Variants in MTDH observed in about 807,000 individuals in gnomAD.
MTDH encodes the protein protein LYRIC.
MTDH carries 34 observed loss-of-function variants against 72.7 expected under a neutral mutation model. That is an observed-to-expected ratio of 0.47 (90% CI 0.36 to 0.62). MTDH has a LOEUF of 0.62. Ranked by LOEUF, MTDH falls within the 20% of genes least tolerant of loss-of-function variation. MTDH has a pLI of 0.00. For missense variants in MTDH, 677 were observed against 699.4 expected (o/e 0.97, Z 0.36); for synonymous variants, 266 against 268.9 (o/e 0.99, Z 0.10).
chr8:97,700,448 A>G (rs1424536944), intron 7 of MTDH, among the ~76,000 whole-genome samples: 2 of 152,158 alleles, frequency 1.3e-5, no homozygotes, highest in Non-Finnish European at 2.9e-5. Flanking sequence ...TAGCACTTAT[A>G]TGTTCCCTGT....
Position 97,719,199 on chromosome 8 carries a change from A to G in MTDH, c.1521+10A>G, listed in dbSNP as rs751304624. The G allele has an allele frequency of 3.1e-6, 5 of 1,609,582 alleles. No homozygotes were observed. The highest frequency in any genetic ancestry group is 4.2e-6 in the Non-Finnish European group (5 of 1,178,762). On this transcript the variant is annotated intron_variant, in intron 10 of 11. Transcript: ENST00000336273. ...CGTCAAAAATAGCCAGGTAATTTTT[A>G]AGAATAATAAAGTTGCCGGGCGCAG...
chr8:97,665,989 A>G (rs1190423692), intron 2 of MTDH, among the ~76,000 whole-genome samples: 3 of 152,084 alleles, frequency 2.0e-5, no homozygotes, highest in Admixed American at 1.3e-4. Flanking sequence ...TTAGCCGGGC[A>G]TGGTGGCAGG....
At chr8:97,649,393 G>C (rs1811678254) in intron 1 of MTDH, among the ~76,000 whole-genome samples, 1 of 152,062 alleles carries the variant, frequency 6.6e-6, no homozygotes, top group Non-Finnish European at 1.5e-5. Flanking sequence ...GTCTTTTGAA[G>C]CCCAACCCTG....
chr8:97,662,931 G>A (rs1469593649), intron 2 of MTDH, among the ~76,000 whole-genome samples: 2 of 151,814 alleles, frequency 1.3e-5, no homozygotes, highest in Non-Finnish European at 2.9e-5. Context: ...AGGTAGAATA[G>A]CTTAAAATGA....
At chr8:97,683,045 C>CTTTTTTTTTTTTTTTTTTTTTTTTTT (rs71271144) in intron 2 of MTDH, among the ~76,000 whole-genome samples, 1 of 44,338 alleles carries the variant, frequency 2.3e-5, no homozygotes, top group Non-Finnish European at 4.4e-5. Flanking sequence ...CTCTTAGACA[C>CTTTTTTTTTTTTTTTTTTTTTTTTTT]TTTTTTTTTT....
At chr8:97,724,015 A>C (rs375922684) in intron 11 of MTDH, among the ~76,000 whole-genome samples, 1 of 152,164 alleles carries the variant, frequency 6.6e-6, no homozygotes. Context: ...AGGCTGAGGC[A>C]GGAGAATCGC....
chr8:97,663,438 TA>T (rs1563527591), intron 2 of MTDH, among the ~76,000 whole-genome samples: 1 of 152,160 alleles, frequency 6.6e-6, no homozygotes, highest in Non-Finnish European at 1.5e-5. Context: ...GAGTACTTAC[TA>T]GATATACTTT....
intron 1 of MTDH, among the ~76,000 whole-genome samples, chr8:97,647,950 G>GAAAAAA (rs59576045): frequency 8.6e-6 from 1 of 115,618 alleles, no homozygotes; most frequent in Non-Finnish European, 1.8e-5. Context: ...TCTCCTAAAA[G>GAAAAAA]AAAAAAAAAA....
chr8:97,663,321 T>C (rs1357320930), intron 2 of MTDH, among the ~76,000 whole-genome samples: 1 of 152,174 alleles, frequency 6.6e-6, no homozygotes, highest in African/African-American at 2.4e-5. Flanking sequence ...GAAATAATTA[T>C]AATAGTTGAC....
chr8:97,677,004 C>CAAA lies in MTDH; in HGVS notation c.484-9645_484-9643dup, dbSNP rs57430782. Among the ~76,000 whole-genome samples, 114 of 23,318 alleles carry CAAA rather than the reference C, an allele frequency of 4.9e-3. 21 individuals carry two copies. Among genetic ancestry groups the CAAA allele is most frequent in the African/African-American group, 0.017 (93 of 5,568 alleles). The allele number at this position is 23,318 out of a possible 152,430, so 15.3% of individuals were successfully genotyped here. ...TGGGCGACAGAGTGAGACTCTATCT[C>CAAA]AAAAAAAAAAAAAAAAAAAAATACA... On this transcript the variant is annotated intron_variant, in intron 2 of 11. Coordinates refer to ENST00000336273, the MANE Select transcript of MTDH (RefSeq NM_178812.4).
chr8:97,692,069 C>G (rs573022297), intron 6 of MTDH, among the ~76,000 whole-genome samples: 1 of 152,044 alleles, frequency 6.6e-6, no homozygotes, highest in Non-Finnish European at 1.5e-5. Context: ...TTAGTAGGGA[C>G]GGGGTTTTGC....
rs368255698 is a variant in MTDH at position 97,667,896 on chromosome 8, C to T, written c.483+6723C>T. ...GTGTCTGCTACCATGAGCTTGACAA[C>T]TTACCAGTACATAAGGAATTTCTAA... On this transcript the variant is annotated intron_variant, in intron 2 of 11. Transcript: ENST00000336273. 7.3e-5 allele frequency among the ~76,000 whole-genome samples: 11 copies of T among 149,984 alleles called. No homozygotes were observed. In the East Asian group the frequency reaches 1.6e-3, roughly 22 times the overall value.
rs937453558 is a variant in MTDH at position 97,644,241 on chromosome 8, C to T, written c.-266C>T. 2.0e-6 allele frequency: 1 copy of T among 492,404 alleles called. No individual in the cohort carries two copies. Among genetic ancestry groups the T allele is most frequent in the Non-Finnish European group, 3.5e-6 (1 of 283,992 alleles). 30.5% of individuals were successfully genotyped at this position (492,404 alleles called of 1,614,324 possible). A position where few individuals can be genotyped will look rare whatever the true frequency, so the allele number is the denominator to read the frequency against. On this transcript the variant is annotated 5_prime_UTR_variant, in exon 1 of 12. Coordinates refer to ENST00000336273, the MANE Select transcript of MTDH (RefSeq NM_178812.4). ...GGGGCCTGGCGCTGGCGCCGAGACG[C>T]CGCTTAGCGGCCGCCACTGGAGACA... is the stretch of plus-strand genomic sequence containing the variant.
chr8:97,722,312 A>C (rs1284392328), intron 10 of MTDH, among the ~76,000 whole-genome samples: 2 of 152,216 alleles, frequency 1.3e-5, no homozygotes, highest in Non-Finnish European at 2.9e-5. Flanking sequence ...TTAAGAATAT[A>C]AAAGTTAGGC....
intron 6 of MTDH, among the ~76,000 whole-genome samples, chr8:97,695,731 A>G (rs143824109): frequency 9.4e-4 from 143 of 152,326 alleles, no homozygotes; most frequent in African/African-American, 3.0e-3. Context: ...ATGAATCTCT[A>G]TTCTTCTACA....
rs375345236 is a variant in MTDH, at chr8:97,690,080, C to T, written c.812-872C>T. On this transcript the variant is annotated intron_variant, in intron 5 of 11. Transcript: ENST00000336273. ...CACAATCTCGGCTCACTGCAACCTC[C>T]GCCTCCTGGGTTCAAACAATTCTGC... Among the ~76,000 whole-genome samples, 148 of 151,822 alleles carry T rather than the reference C, an allele frequency of 9.7e-4. 2 individuals carry two copies. The South Asian group carries it at 0.028, about 29-fold the overall frequency.
intron 2 of MTDH, among the ~76,000 whole-genome samples, chr8:97,680,988 A>G (rs1813044982): frequency 6.6e-6 from 1 of 152,352 alleles, no homozygotes; most frequent in East Asian, 1.9e-4. Context: ...GAAATGTCCC[A>G]AGGAAGTTTG....
chr8:97,650,462 A>G (rs1168182147), intron 1 of MTDH, among the ~76,000 whole-genome samples: 1 of 151,706 alleles, frequency 6.6e-6, no homozygotes, highest in Non-Finnish European at 1.5e-5. Flanking sequence ...TTTTGTAGAG[A>G]TGGCGTTTTG....
At position 97,691,170 on chromosome 8, in the gene MTDH, TC is replaced by T; in HGVS notation, c.1031del (p.Ser344Ter). On this transcript the variant is annotated frameshift_variant, in exon 6 of 12. Transcript: ENST00000336273. LOFTEE classifies it high-confidence loss of function. ...KDWGRSWSDR[S>X]IFSGIGSTAE... ...CTGGGGAAGGAGTTGGAGTGACCGT[TC>T]AATATTTTCTGGCATTGGTAAGAAG... 1 of 1,603,850 alleles carries T rather than the reference TC, an allele frequency of 6.2e-7. No homozygotes were observed. The highest frequency in any genetic ancestry group is 8.5e-7 in the Non-Finnish European group (1 of 1,174,530).
Sources: gnomAD v4.1 joint callset for allele counts (sites outside exome capture counted in the v4.1 genomes callset) on GRCh38, gnomAD v4.1.1 for gene constraint, MANE v1.5 for transcripts, NCBI Gene and HGNC (gene_info 2026-07-23, HGNC 2026-07-21) for gene names.